TPO: variants seen among roughly 807,000 people sequenced by gnomAD.
TPO encodes the protein thyroid peroxidase.
A neutral mutation model predicts 96.9 loss-of-function variants in TPO; 78 were observed. The ratio of observed to expected loss-of-function variants is 0.81; its 90% confidence interval spans 0.67 to 0.97. The LOEUF is 0.97. TPO is among the 50% of genes least tolerant of loss of function. TPO has a pLI of 0.00. For synonymous variants in TPO, 547 were observed against 538.0 expected (o/e 1.02, Z -0.23); for missense variants, 1,252 against 1,274.8 (o/e 0.98, Z 0.27).
At chr2:1,405,248 T>C (rs1188365804) in intron 1 of TPO, among the ~76,000 whole-genome samples, 2 of 150,436 alleles carry the variant, frequency 1.3e-5, no homozygotes, top group Non-Finnish European at 3.0e-5. Context: ...CATCCATCCA[T>C]CCATCATCCA....
chr2:1,421,656 G>A (rs1663544789), intron 2 of TPO, among the ~76,000 whole-genome samples: 1 of 152,222 alleles, frequency 6.6e-6, no homozygotes, highest in Non-Finnish European at 1.5e-5. Flanking sequence ...GAAATAAGAG[G>A]AAAATAAAGG....
At chr2:1,514,169 C>T (rs1293511644) in intron 14 of TPO, among the ~76,000 whole-genome samples, 1 of 152,172 alleles carries the variant, frequency 6.6e-6, no homozygotes, top group African/African-American at 2.4e-5. Flanking sequence ...TGTCCCAGCT[C>T]AAGCAGAGAG....
chr2:1,532,880 CCA>C (rs907008429), intron 15 of TPO, among the ~76,000 whole-genome samples: 4 of 76,588 alleles, frequency 5.2e-5, no homozygotes, highest in African/African-American at 2.0e-4. Flanking sequence ...TCAAATACCC[CCA>C]GTTTGCAACC....
chr2:1,497,425 G>A (rs28912975), intron 13 of TPO, among the ~76,000 whole-genome samples: 1,668 of 152,280 alleles, frequency 0.011, 29 homozygotes, highest in Admixed American at 0.047. Context: ...GTGTACTGGG[G>A]TTCCTCTGCG....
Position 1,436,353 on chromosome 2 carries a change from T to C in TPO, c.451T>C (p.Tyr151His), listed in dbSNP as rs1665569325. The change falls in exon 5 of 17, where the codon TAC becomes CAC. Residue 151 changes from tyrosine to histidine, a missense_variant. Transcript: ENST00000329066. The part of the protein sequence containing the change: ...KCPNTCLANK[Y>H]RPITGACNNR... ...CCCAAACACTTGCCTGGCGAACAAA[T>C]ACAGGCCCATCACAGGAGCTTGCAA... The C allele has an allele frequency of 6.2e-7, 1 of 1,614,054 alleles. No homozygotes were observed. Among genetic ancestry groups the C allele is most frequent in the Admixed American group, 1.7e-5 (1 of 60,004 alleles).
intron 14 of TPO, among the ~76,000 whole-genome samples, chr2:1,510,938 G>A (rs375631614): frequency 3.9e-5 from 6 of 152,020 alleles, no homozygotes; most frequent in African/African-American, 7.2e-5. Context: ...TTTAGATTTC[G>A]GTACAACTCT....
chr2:1,388,600 C>T (rs1330417868), intron 1 of TPO, among the ~76,000 whole-genome samples: 11 of 152,188 alleles, frequency 7.2e-5, no homozygotes, highest in African/African-American at 2.7e-4. Flanking sequence ...TTTCCAGCTG[C>T]CGTCTGTCAC....
rs112178779 is a variant in TPO, at chr2:1,415,493, C to T, written c.94+991C>T. On this transcript the variant is annotated intron_variant, in intron 2 of 16. Transcript: ENST00000329066. ...GCAGGTGACACCTCGCTGGGCAGGT[C>T]CCTGGGCCTCTGCACATAGTCCCGG... Among the ~76,000 whole-genome samples, 487 of 148,720 alleles carry T rather than the reference C, an allele frequency of 3.3e-3. 1 individual carries two copies. The highest frequency in any genetic ancestry group is 0.012 in the African/African-American group (459 of 39,820).
At chr2:1,447,067 C>A (rs1469397120) in intron 5 of TPO, among the ~76,000 whole-genome samples, 2 of 152,106 alleles carry the variant, frequency 1.3e-5, no homozygotes, top group Non-Finnish European at 2.9e-5. Context: ...ATTGACCCCT[C>A]CTGTTGGCAA....
At chr2:1,494,110 C>T in intron 11 of TPO, 71 bp downstream of exon 11, 1 of 1,437,146 alleles carries the variant, frequency 7.0e-7, no homozygotes, top group Non-Finnish European at 9.8e-7. Flanking sequence ...GGTTCTGAAG[C>T]CAGCCAGACC....
rs1365428612 is a variant in TPO, at chr2:1,537,013, GTGTGCAACGTCCTCAAATA to G, written c.2619-3580_2619-3562del. Among the ~76,000 whole-genome samples the G allele has an allele frequency of 7.2e-3, 216 of 29,966 alleles. 9 individuals are homozygous for G. The highest frequency in any genetic ancestry group is 8.2e-3 in the Non-Finnish European group (148 of 18,130). 19.7% of individuals were successfully genotyped at this position (29,966 alleles called of 152,430 possible). On this transcript the variant is annotated intron_variant, in intron 15 of 16. Transcript: ENST00000329066. Reference sequence around the variant, plus strand: ...GTGTGCAACCTCAAATCCCCCCACTGTGTGCAACGTCCTCAAATACCCCCACTGTGTGCAACCTCCCCAA... The same window carrying G: ...GTGTGCAACCTCAAATCCCCCCACTGCCCCCACTGTGTGCAACCTCCCCAA...
chr2:1,432,513 G>T (rs1665087727), intron 3 of TPO, among the ~76,000 whole-genome samples: 1 of 151,234 alleles, frequency 6.6e-6, no homozygotes, highest in African/African-American at 2.4e-5. Flanking sequence ...GTGTGGAGAG[G>T]CCTGCAGGTG....
chr2:1,457,718 T>G (rs1284637981), intron 7 of TPO, among the ~76,000 whole-genome samples: 2 of 151,918 alleles, frequency 1.3e-5, no homozygotes, highest in Non-Finnish European at 2.9e-5. Context: ...TGTATGATAC[T>G]GTGTGGTCAC....
At chr2:1,520,935 G>A (rs557511304) in intron 15 of TPO, among the ~76,000 whole-genome samples, 1 of 152,042 alleles carries the variant, frequency 6.6e-6, no homozygotes, top group Non-Finnish European at 1.5e-5. Context: ...TACTGTCCAG[G>A]GAAGATGCTA....
intron 5 of TPO, among the ~76,000 whole-genome samples, chr2:1,443,605 CAGGAGGTACCA>C (rs1558292388): frequency 1.9e-4 from 25 of 133,996 alleles, no homozygotes; most frequent in Middle Eastern, 4.7e-3. Flanking sequence ...GTCATTGCTG[CAGGAGGTACCA>C]TGTTGGAAGG....
At chr2:1,382,640 C>T (rs1661826957) in intron 1 of TPO, among the ~76,000 whole-genome samples, 1 of 152,086 alleles carries the variant, frequency 6.6e-6, no homozygotes, top group Non-Finnish European at 1.5e-5. Flanking sequence ...TGGAAAGAAC[C>T]TTGCTAGGAT....
chr2:1,440,458 G>C (rs11891228), intron 5 of TPO, among the ~76,000 whole-genome samples: 3,474 of 152,332 alleles, frequency 0.023, 113 homozygotes, highest in East Asian at 0.12. Context: ...TAGTGGAAAA[G>C]AATGATTTTT....
chr2:1,415,445 C>G (rs112034922), intron 2 of TPO, among the ~76,000 whole-genome samples: 29 of 114,798 alleles, frequency 2.5e-4, no homozygotes, highest in African/African-American at 3.5e-4. Context: ...TGGGCCTCTG[C>G]ACACAGTCCC....
At chr2:1,409,338 T>A (rs1662292874), upstream of TPO, among the ~76,000 whole-genome samples, 1 of 152,240 alleles carries the variant, frequency 6.6e-6, no homozygotes, top group Non-Finnish European at 1.5e-5. Flanking sequence ...GTCTTTAGTT[T>A]TATCTGACTC....
Sources: gnomAD v4.1 joint callset for allele counts (sites outside exome capture counted in the v4.1 genomes callset) on GRCh38, gnomAD v4.1.1 for gene constraint, MANE v1.5 for transcripts, NCBI Gene and HGNC (gene_info 2026-07-23, HGNC 2026-07-21) for gene names.